ZNF248: variants seen among roughly 807,000 people sequenced by gnomAD.
ZNF248 encodes zinc finger protein 248.
A neutral mutation model predicts 44.3 loss-of-function variants in ZNF248; 20 were observed. That is an observed-to-expected ratio of 0.45 (90% CI 0.32 to 0.66). The LOEUF is 0.66. Ranked by LOEUF, ZNF248 falls within the 30% of genes least tolerant of loss-of-function variation. ZNF248 has a pLI of 0.04. For synonymous variants in ZNF248, 224 were observed against 229.0 expected, an observed-to-expected ratio of 0.98 and a Z score of 0.20; for missense variants, 654 against 677.0, an observed-to-expected ratio of 0.97 and a Z score of 0.38.
At chr10:37,821,144 C>T (rs191501837) in intron 6 of ZNF248, among the ~76,000 whole-genome samples, 1 of 152,256 alleles carries the variant, frequency 6.6e-6, no homozygotes, top group East Asian at 1.9e-4. Flanking sequence ...TATTGCCCCA[C>T]TAGAAAATAA....
chr10:37,765,659 G>A, the ZNF248 span, among the ~76,000 whole-genome samples: 6 of 152,200 alleles, frequency 3.9e-5, no homozygotes, highest in East Asian at 1.9e-4. Context: ...CAAGATGGCC[G>A]AATAGGAACA....
intron 5 of ZNF248, among the ~76,000 whole-genome samples, chr10:37,835,352 T>C (rs755406947): frequency 2.0e-5 from 3 of 152,190 alleles, no homozygotes; most frequent in Non-Finnish European, 2.9e-5. Flanking sequence ...ATGGTTGCCA[T>C]TCAAGATAGC....
chr10:37,769,442 T>C, the ZNF248 span, among the ~76,000 whole-genome samples: 14 of 152,314 alleles, frequency 9.2e-5, no homozygotes, highest in East Asian at 1.9e-4. Context: ...GTGGGCTTCA[T>C]CCCTGGAATG....
At chr10:37,840,491 T>C (rs1360253113) in intron 3 of ZNF248, among the ~76,000 whole-genome samples, 1 of 152,232 alleles carries the variant, frequency 6.6e-6, no homozygotes, top group Non-Finnish European at 1.5e-5. Context: ...TTAAAATGGT[T>C]AAATTCAAAA....
chr10:37,767,983 C>T, the ZNF248 span, among the ~76,000 whole-genome samples: 1 of 152,120 alleles, frequency 6.6e-6, no homozygotes, highest in Non-Finnish European at 1.5e-5. Context: ...ATCCTAGTCT[C>T]TGATAAAACA....
At chr10:37,846,238 T>A (rs1272115939) in intron 3 of ZNF248, among the ~76,000 whole-genome samples, 2 of 152,190 alleles carry the variant, frequency 1.3e-5, no homozygotes, top group Non-Finnish European at 2.9e-5. Context: ...CAAGTTTGGT[T>A]TGGTAACAGA....
At chr10:37,849,810 C>T (rs555969652) in intron 3 of ZNF248, among the ~76,000 whole-genome samples, 10 of 152,210 alleles carry the variant, frequency 6.6e-5, no homozygotes, top group Middle Eastern at 3.4e-3. Flanking sequence ...CAGTGGTTCA[C>T]GCCTGTAATC....
chr10:37,766,228 A>C, the ZNF248 span, among the ~76,000 whole-genome samples: 1 of 152,230 alleles, frequency 6.6e-6, no homozygotes, highest in African/African-American at 2.4e-5. Flanking sequence ...TGCAGACTTA[A>C]ATGTCCCTGT....
downstream of ZNF248, among the ~76,000 whole-genome samples, chr10:37,776,024 CACCCCT>C (rs1007713060): frequency 6.6e-6 from 1 of 152,174 alleles, no homozygotes; most frequent in African/African-American, 2.4e-5. Context: ...CAGACACAGA[CACCCCT>C]ACTCTCTGCC....
Position 37,830,429 on chromosome 10 carries a change from A to C in ZNF248, c.*1186T>G. 13 of 985,386 alleles carry C rather than the reference A, an allele frequency of 1.3e-5. No homozygotes were observed. The highest frequency in any genetic ancestry group is 1.6e-5 in the Non-Finnish European group (13 of 829,926). The allele number at this position is 985,386 out of a possible 1,614,324, so 61.0% of individuals were successfully genotyped here. The stretch of plus-strand genomic sequence containing the variant: ...TAAAAACATATACTGGCCAACCTAC[A>C]AAGAGACTCCGGTAGTATTTAGAGT... On this transcript the variant is annotated 3_prime_UTR_variant, in exon 6 of 6. Transcript: ENST00000395867.
chr10:37,833,398 A>T lies in ZNF248; in HGVS notation c.239-282T>A, dbSNP rs2056388057. On this transcript the variant is annotated intron_variant, in intron 5 of 5. Coordinates refer to ENST00000395867, the MANE Select transcript of ZNF248 (RefSeq NM_021045.3). ...AAAGAAAAGGTGAAATAAAATTCAC[A>T]GCACAGGGAACCAGAGTGGCTGATT... Among the ~76,000 whole-genome samples, 3 of 152,344 alleles carry T rather than the reference A, an allele frequency of 2.0e-5. No individual in the cohort carries two copies. In the South Asian group the frequency reaches 6.2e-4, roughly 32 times the overall value.
At chr10:37,794,642 T>A (rs2048924848) in intron 6 of ZNF248, 1 of 161,192 alleles carries the variant, frequency 6.2e-6, no homozygotes, top group South Asian at 1.8e-4. Flanking sequence ...AAAAAGGTTA[T>A]CCTACATTTA....
the ZNF248 span, among the ~76,000 whole-genome samples, chr10:37,761,172 C>T: frequency 2.9e-3 from 443 of 152,308 alleles, 2 homozygotes; most frequent in African/African-American, 0.01. Context: ...TCTCCTACTA[C>T]AAAAACCCAC....
At chr10:37,768,563 T>A in the ZNF248 span, among the ~76,000 whole-genome samples, 1 of 152,140 alleles carries the variant, frequency 6.6e-6, no homozygotes, top group East Asian at 1.9e-4. Context: ...AAGATGTTCT[T>A]TCAAACCAAC....
In ZNF248 at chr10:37,790,360, G is replaced by A. The variant is rs561941610; in HGVS notation, c.331-13785C>T. Reference sequence around the variant, plus strand: ...TTTGGGAGGCTGAGGCTGGAAAATCGCTTGAGCCTGGGAGTTCAAGACCAG... The same window carrying A: ...TTTGGGAGGCTGAGGCTGGAAAATCACTTGAGCCTGGGAGTTCAAGACCAG... On this transcript the variant is annotated intron_variant, in intron 6 of 6. Transcript: ENST00000615949. 7.3e-5 allele frequency among the ~76,000 whole-genome samples: 11 copies of A among 150,990 alleles called. No homozygotes were observed. The East Asian group carries it at 1.4e-3, about 19-fold the overall frequency.
chr10:37,787,228 G>A (rs2047985916), intron 6 of ZNF248, among the ~76,000 whole-genome samples: 2 of 151,970 alleles, frequency 1.3e-5, no homozygotes, highest in Admixed American at 1.3e-4. Flanking sequence ...GCAGTGAGCT[G>A]AGATCACACC....
At position 37,853,491 on chromosome 10, in the gene ZNF248, C is replaced by T. The variant is rs556912590; in HGVS notation, c.15+2805G>A. ...CTCCCAGGTTCACTCCATTCTCCTG[C>T]CTCAGCCTCCCGAGTAGCTGGGACT... On this transcript the variant is annotated intron_variant, in intron 3 of 5. Transcript: ENST00000395867. Among the ~76,000 whole-genome samples, 93 of 152,270 alleles carry T rather than the reference C, an allele frequency of 6.1e-4. 1 individual carries two copies. The South Asian group carries it at 0.019, about 31-fold the overall frequency.
intron 6 of ZNF248, chr10:37,795,750 A>G (rs1355288949): frequency 6.6e-6 from 1 of 152,210 alleles, no homozygotes; most frequent in East Asian, 1.9e-4. Flanking sequence ...ATTACTAATC[A>G]TTAATTCTGA....
Position 37,831,436 on chromosome 10 carries a change from T to C in ZNF248, c.*179A>G. The C allele has an allele frequency of 6.7e-7, 1 of 1,482,684 alleles. No homozygotes were observed. Among genetic ancestry groups the C allele is most frequent in the South Asian group, 1.4e-5 (1 of 71,696 alleles). The allele number at this position is 1,482,684 out of a possible 1,614,324, so 91.8% of individuals were successfully genotyped here. On this transcript the variant is annotated 3_prime_UTR_variant, in exon 6 of 6. Transcript: ENST00000395867. ...AAATATTTTCACCATATTACTTAGA[T>C]GAATAGAATTCCCCTCAGTACAAAT...
Sources: gnomAD v4.1 joint callset for allele counts (sites outside exome capture counted in the v4.1 genomes callset) on GRCh38, gnomAD v4.1.1 for gene constraint, MANE v1.5 for transcripts, NCBI Gene and HGNC (gene_info 2026-07-23, HGNC 2026-07-21) for gene names.